Variants in FSTL5 observed in about 807,000 individuals in gnomAD.
FSTL5 encodes the protein follistatin like 5.
FSTL5 carries 62 observed loss-of-function variants against 89.1 expected under a neutral mutation model. The observed-to-expected ratio is 0.70, with a 90% CI of 0.57 to 0.86. The LOEUF is 0.86. FSTL5 is among the 40% of genes least tolerant of loss of function. FSTL5 has a pLI of 0.00. For synonymous variants in FSTL5, 383 were observed against 346.2 expected, an observed-to-expected ratio of 1.11 and a Z score of -1.18; for missense variants, 1,057 against 1,001.6, an observed-to-expected ratio of 1.06 and a Z score of -0.75.
chr4:161,775,147 A>G (rs1248274484), intron 5 of FSTL5, among the ~76,000 whole-genome samples: 1 of 152,178 alleles, frequency 6.6e-6, no homozygotes, highest in East Asian at 1.9e-4. Flanking sequence ...TGAATAGCAT[A>G]TTATAAAAAT....
Position 162,128,839 on chromosome 4 carries a change from C to G in FSTL5, c.-16-17427G>C, listed in dbSNP as rs114004850. 4.1e-3 allele frequency among the ~76,000 whole-genome samples: 616 copies of G among 151,630 alleles called. 7 individuals carry two copies. Among genetic ancestry groups the G allele is most frequent in the African/African-American group, 0.014 (579 of 41,294 alleles). On this transcript the variant is annotated intron_variant, in intron 1 of 15. Transcript: ENST00000306100. ...TTAAAATGACTCTCATTGTAAAAGA[C>G]TTCATATAAAAAATATTGGTCACAT...
At chr4:161,972,557 G>A (rs1028154378) in intron 3 of FSTL5, among the ~76,000 whole-genome samples, 2 of 152,118 alleles carry the variant, frequency 1.3e-5, no homozygotes, top group African/African-American at 4.8e-5. Context: ...AGCCAGCAAG[G>A]AACCAAGGCC....
intron 6 of FSTL5, among the ~76,000 whole-genome samples, chr4:161,735,807 A>G (rs1187449699): frequency 1.3e-5 from 2 of 152,152 alleles, no homozygotes. Context: ...ATATTTTGTA[A>G]TGAAGTGAGA....
chr4:161,779,746 A>ATTAT (rs1157883388), intron 4 of FSTL5, among the ~76,000 whole-genome samples: 3 of 104,162 alleles, frequency 2.9e-5, no homozygotes, highest in Non-Finnish European at 4.1e-5. Context: ...TTGTCCAAGG[A>ATTAT]TTATTTGTAA....
At chr4:161,448,634 ACTGCC>A (rs2126385334) in intron 15 of FSTL5, among the ~76,000 whole-genome samples, 1 of 152,222 alleles carries the variant, frequency 6.6e-6, no homozygotes, top group Admixed American at 6.5e-5. Flanking sequence ...CACTCTCCAG[ACTGCC>A]GGAGCGGTGT....
intron 2 of FSTL5, among the ~76,000 whole-genome samples, chr4:162,070,294 G>GT (rs1451313647): frequency 2.0e-5 from 3 of 151,766 alleles, no homozygotes; most frequent in Admixed American, 6.6e-5. Flanking sequence ...CTTTGCAAGT[G>GT]TTTTATCCTA....
chr4:161,994,724 G>A (rs1736237788), intron 3 of FSTL5, among the ~76,000 whole-genome samples: 1 of 152,128 alleles, frequency 6.6e-6, no homozygotes, highest in Admixed American at 6.6e-5. Context: ...TTTTAATGAG[G>A]TGTTTTGTTT....
At chr4:161,498,195 T>C (rs1389687168) in intron 12 of FSTL5, among the ~76,000 whole-genome samples, 2 of 152,070 alleles carry the variant, frequency 1.3e-5, no homozygotes, top group African/African-American at 4.8e-5. Flanking sequence ...CTACATTGTT[T>C]TTCTTTAGTT....
At chr4:161,670,745 C>T (rs1030907345) in intron 6 of FSTL5, among the ~76,000 whole-genome samples, 1 of 152,176 alleles carries the variant, frequency 6.6e-6, no homozygotes, top group East Asian at 1.9e-4. Context: ...TGAACACTGG[C>T]TGTTCATTTT....
chr4:161,944,242 T>C (rs966891616), intron 3 of FSTL5, among the ~76,000 whole-genome samples: 3 of 152,164 alleles, frequency 2.0e-5, no homozygotes, highest in Non-Finnish European at 2.9e-5. Context: ...AGCATTTAAA[T>C]ATAGTTATCA....
intron 4 of FSTL5, among the ~76,000 whole-genome samples, chr4:161,851,573 C>T (rs1382168150): frequency 2.0e-5 from 3 of 151,948 alleles, no homozygotes; most frequent in Non-Finnish European, 4.4e-5. Context: ...AATATATATG[C>T]ATGAAATATG....
Position 161,665,643 on chromosome 4 carries a change from T to C in FSTL5, c.728-9149A>G, listed in dbSNP as rs185113062. On this transcript the variant is annotated intron_variant, in intron 6 of 15. Transcript: ENST00000306100. ...AGCAAAAGTAGAAACAAGAAAGCAG[T>C]AAGATGATATATTGGAAATTATGCA... Among the ~76,000 whole-genome samples, 269 of 152,262 alleles carry C rather than the reference T, an allele frequency of 1.8e-3. 2 individuals carry two copies. The highest frequency in any genetic ancestry group is 6.3e-3 in the African/African-American group (261 of 41,568).
intron 8 of FSTL5, among the ~76,000 whole-genome samples, chr4:161,568,891 AACAAAATTACATGT>A (rs1358617375): frequency 6.6e-6 from 1 of 152,198 alleles, no homozygotes; most frequent in African/African-American, 2.4e-5. Context: ...TAAACTGACT[AACAAAATTACATGT>A]ACTGTCTTTA....
intron 15 of FSTL5, among the ~76,000 whole-genome samples, chr4:161,396,188 C>G (rs1730989359): frequency 6.6e-6 from 1 of 151,268 alleles, no homozygotes; most frequent in African/African-American, 2.4e-5. Flanking sequence ...CAGCCATCAA[C>G]CAATCCAAAA....
At chr4:162,056,495 A>T (rs561236356) in intron 2 of FSTL5, among the ~76,000 whole-genome samples, 1 of 152,284 alleles carries the variant, frequency 6.6e-6, no homozygotes, top group Non-Finnish European at 1.5e-5. Context: ...TTGTATGAAC[A>T]TTCTGTCCTT....
chr4:161,742,691 A>G (rs549576588), intron 6 of FSTL5, among the ~76,000 whole-genome samples: 1 of 152,286 alleles, frequency 6.6e-6, no homozygotes, highest in South Asian at 2.1e-4. Context: ...GTGGATGAGT[A>G]TGATAAGATT....
chr4:161,741,133 G>A (rs996777029), intron 6 of FSTL5, among the ~76,000 whole-genome samples: 1 of 152,126 alleles, frequency 6.6e-6, no homozygotes, highest in Non-Finnish European at 1.5e-5. Context: ...TCAGACCATA[G>A]CAGTGTGGTA....
intron 4 of FSTL5, among the ~76,000 whole-genome samples, chr4:161,834,098 T>C (rs1381139318): frequency 6.6e-6 from 1 of 152,122 alleles, no homozygotes; most frequent in Non-Finnish European, 1.5e-5. Context: ...AAAAAGCTTA[T>C]CCACCATGAT....
intron 2 of FSTL5, among the ~76,000 whole-genome samples, chr4:162,106,764 C>A (rs1731242356): frequency 2.0e-5 from 3 of 152,098 alleles, no homozygotes; most frequent in Admixed American, 2.0e-4. Flanking sequence ...AATGAAATAA[C>A]CAACAACTCC....
Sources: gnomAD v4.1 joint callset for allele counts (sites outside exome capture counted in the v4.1 genomes callset) on GRCh38, gnomAD v4.1.1 for gene constraint, MANE v1.5 for transcripts, NCBI Gene and HGNC (gene_info 2026-07-23, HGNC 2026-07-21) for gene names.